The following LRIG2 variants were observed in gnomAD, a reference collection of about 807,000 sequenced individuals.
LRIG2 encodes leucine-rich repeats and immunoglobulin-like domains protein 2.
LRIG2 carries 93 observed loss-of-function variants against 107.8 expected under a neutral mutation model. The ratio of observed to expected loss-of-function variants is 0.86; its 90% CI spans 0.73 to 1.03. The LOEUF (loss-of-function observed/expected upper bound fraction) is 1.03. Ranked by LOEUF, LRIG2 falls within the 50% of genes least tolerant of loss-of-function variation. The probability of loss-of-function intolerance (pLI) is 0.00; values close to 1 mark genes in which losing one functional copy is unlikely to be tolerated. For synonymous variants in LRIG2, 471 were observed against 470.6 expected, an observed-to-expected ratio of 1.00 and a Z score of -0.01; for missense variants, 1,226 against 1,296.0, an observed-to-expected ratio of 0.95 and a Z score of 0.83.
chr1:113,110,298 G>C lies in LRIG2; in HGVS notation c.1534G>C (p.Gly512Arg), dbSNP rs1197646627. The part of the protein sequence containing the change: ...THPETIIALR[G>R]MNVTLTCTAV... Reference sequence around the variant, plus strand: ...TCCTGAAACCATAATTGCTCTAAGAGGCATGAATGTGACTCTGACGTGCAC... The same window carrying C: ...TCCTGAAACCATAATTGCTCTAAGACGCATGAATGTGACTCTGACGTGCAC... Residue 512 changes from glycine (G) to arginine (R), a missense_variant, in exon 13 of 18, where the codon GGC (glycine) becomes CGC (arginine). Gly to Arg is a moderately radical substitution (Grantham distance 125). This residue lies in a region of LRIG2 where 642 missense variants were observed against 712.2 expected (regional missense o/e 0.90). Coordinates refer to ENST00000361127, the MANE Select transcript of LRIG2 (RefSeq NM_014813.3). 6.2e-7 allele frequency: 1 copy of C among 1,613,972 alleles called. No individual in the cohort carries two copies. The highest frequency in any genetic ancestry group is 8.5e-7 in the Non-Finnish European group (1 of 1,180,010).
intron 9 of LRIG2, 58 bp from the exon 10 acceptor site, chr1:113,100,153 A>T: frequency 1.9e-6 from 2 of 1,031,340 alleles, no homozygotes; most frequent in Non-Finnish European, 1.4e-6. Context: ...GTAAATGTTT[A>T]ATGAATTTAA....
rs922653767 is a variant in LRIG2 at position 113,076,877 on chromosome 1, G to A, written c.239+3232G>A. Among the ~76,000 whole-genome samples, 4 of 152,018 alleles carry A rather than the reference G, an allele frequency of 2.6e-5. No individual in the cohort carries two copies. The East Asian group carries it at 5.8e-4, about 22-fold the overall frequency. ...TGACTGGGTTCTCTGTGGGTATAGA[G>A]CTCTGTTTCACATTATTCTGATTAC... On this transcript the variant is annotated intron_variant, in intron 1 of 17. Coordinates refer to ENST00000361127, the MANE Select transcript of LRIG2 (RefSeq NM_014813.3).
chr1:113,112,689 T>G lies in LRIG2; in HGVS notation c.2009T>G (p.Met670Arg). 1 of 1,613,932 alleles carries G rather than the reference T, an allele frequency of 6.2e-7. No individual in the cohort carries two copies. Among genetic ancestry groups the G allele is most frequent in the Non-Finnish European group, 8.5e-7 (1 of 1,179,876 alleles). Reference sequence around the variant, plus strand: ...ATTGCCAATGTGAAAATAGAAGATATGGGAATCTATAGCTGCATGGCACAA... The same window carrying G: ...ATTGCCAATGTGAAAATAGAAGATAGGGGAATCTATAGCTGCATGGCACAA... Reference protein sequence around the residue: ...FFIANVKIEDMGIYSCMAQNT... With the variant: ...FFIANVKIEDRGIYSCMAQNT... The change falls in exon 14 of 18, where the codon ATG (methionine) becomes AGG (arginine). Residue 670 changes from methionine (M) to arginine (R), a missense_variant. Coordinates refer to ENST00000361127, the MANE Select transcript of LRIG2 (RefSeq NM_014813.3).
chr1:113,095,947 T>C lies in LRIG2; in HGVS notation c.877T>C (p.Tyr293His). 6.2e-7 allele frequency: 1 copy of C among 1,614,224 alleles called. No homozygotes were observed. The highest frequency in any genetic ancestry group is 8.5e-7 in the Non-Finnish European group (1 of 1,180,044). ...LYGLRMLQQL[Y>H]VSQNAIERIS... ...TGGCTTGCGAATGTTACAGCAGCTC[T>C]ATGTGAGCCAGAATGCTATTGAAAG... The change falls in exon 7 of 18, where the codon TAT (tyrosine) becomes CAT (histidine). Residue 293 changes from tyrosine (Y) to histidine (H), a missense_variant. Coordinates refer to ENST00000361127, the MANE Select transcript of LRIG2 (RefSeq NM_014813.3).
intron 17 of LRIG2, among the ~76,000 whole-genome samples, chr1:113,122,628 T>C (rs982535982): frequency 1.3e-5 from 2 of 152,226 alleles, no homozygotes; most frequent in Non-Finnish European, 2.9e-5. Context: ...ATCTGGTCCG[T>C]AAGTAAGGAA....
At position 113,091,639 on chromosome 1, in the gene LRIG2, C is replaced by T. The variant is rs192035906; in HGVS notation, c.305+256C>T. ...TTCCTGGGGCTAAAAGTAAGATTTA[C>T]GCCTCTTCAGAGTAAATGTGTTTTG... On this transcript the variant is annotated intron_variant, in intron 2 of 17. Transcript: ENST00000361127. Among the ~76,000 whole-genome samples the T allele has an allele frequency of 9.4e-4, 143 of 152,282 alleles. 1 individual carries two copies. Among genetic ancestry groups the T allele is most frequent in the Admixed American group, 8.2e-3 (126 of 15,288 alleles).
chr1:113,081,627 TCTC>T (rs1438943986), intron 1 of LRIG2, among the ~76,000 whole-genome samples: 5 of 151,784 alleles, frequency 3.3e-5, no homozygotes, highest in Non-Finnish European at 5.9e-5. Context: ...TTCAAGCAAT[TCTC>T]CTGCCTCAGC....
At chr1:113,123,487 T>C (rs115503810) in intron 17 of LRIG2, among the ~76,000 whole-genome samples, 9 of 152,300 alleles carry the variant, frequency 5.9e-5, no homozygotes, top group African/African-American at 9.6e-5. Flanking sequence ...CGCAGTAGAA[T>C]TGTGTGAACC....
chr1:113,097,668 GA>G (rs956016517), intron 8 of LRIG2, among the ~76,000 whole-genome samples: 8 of 152,174 alleles, frequency 5.3e-5, no homozygotes, highest in Non-Finnish European at 1.2e-4. Context: ...AAAGTTTTGG[GA>G]AGTAATAGCA....
At chr1:113,113,782 C>T (rs1030521810) in intron 14 of LRIG2, among the ~76,000 whole-genome samples, 1 of 151,724 alleles carries the variant, frequency 6.6e-6, no homozygotes, top group Non-Finnish European at 1.5e-5. Flanking sequence ...AGGCTGGTCT[C>T]GAACTCCTGA....
chr1:113,113,527 C>CATTTATTTATTT (rs71590539), intron 14 of LRIG2, among the ~76,000 whole-genome samples: 12 of 138,452 alleles, frequency 8.7e-5, no homozygotes, highest in African/African-American at 3.0e-4. Flanking sequence ...AATAAGAAGT[C>CATTTATTTATTT]ATTTATTTAT....
chr1:113,088,416 T>C (rs1653650823), intron 1 of LRIG2, among the ~76,000 whole-genome samples: 2 of 152,208 alleles, frequency 1.3e-5, no homozygotes, highest in African/African-American at 4.8e-5. Context: ...TTGAGTTTCA[T>C]TTTATTGCTT....
chr1:113,077,508 T>TTA (rs369005370), intron 1 of LRIG2, among the ~76,000 whole-genome samples: 470 of 152,326 alleles, frequency 3.1e-3, no homozygotes, highest in Non-Finnish European at 4.6e-3. Flanking sequence ...ATTTATTGAA[T>TTA]TATATATATA....
Position 113,110,302 on chromosome 1 carries a change from T to C in LRIG2, c.1538T>C (p.Met513Thr), listed in dbSNP as rs745864381. The C allele has an allele frequency of 1.4e-5, 23 of 1,614,094 alleles. No individual in the cohort carries two copies. The highest frequency in any genetic ancestry group is 5.0e-5 in the Admixed American group (3 of 60,022). ...HPETIIALRG[M>T]NVTLTCTAVS... is the part of the protein sequence containing the mutation. ...GAAACCATAATTGCTCTAAGAGGCA[T>C]GAATGTGACTCTGACGTGCACTGCA... The change falls in exon 13 of 18, where the codon ATG becomes ACG. Residue 513 changes from methionine (M) to threonine (T), a missense_variant. Met to Thr is a moderately conservative substitution (Grantham distance 81). Coordinates refer to ENST00000361127, the MANE Select transcript of LRIG2 (RefSeq NM_014813.3).
At chr1:113,073,837 G>A (rs942830429) in intron 1 of LRIG2, among the ~76,000 whole-genome samples, 192 bp downstream of exon 1, 2 of 152,100 alleles carry the variant, frequency 1.3e-5, no homozygotes, top group African/African-American at 4.8e-5. Flanking sequence ...TAAGGTTTCT[G>A]GAGAATTGTA....
At position 113,131,881 on chromosome 1, in the gene LRIG2, C is replaced by G. The variant is rs1655713934; in HGVS notation, c.*7780C>G. 6.6e-6 allele frequency: 1 copy of G among 151,210 alleles called. No individual in the cohort carries two copies. The highest frequency in any genetic ancestry group is 1.5e-5 in the Non-Finnish European group (1 of 67,968). 9.4% of individuals were successfully genotyped at this position (151,210 alleles called of 1,614,324 possible). ...GGGTGAAGGTGAAGAAACAGCTTGA[C>G]TTGTGCCTGTTTTCAGATAAAGGAG... On this transcript the variant is annotated 3_prime_UTR_variant, in exon 18 of 18. Transcript: ENST00000361127.
chr1:113,120,960 A>C (rs1307708497), intron 17 of LRIG2, among the ~76,000 whole-genome samples: 2 of 151,970 alleles, frequency 1.3e-5, no homozygotes, highest in Non-Finnish European at 2.9e-5. Context: ...CTGGGATTAC[A>C]GGCATGTGCA....
At position 113,073,418 on chromosome 1, in the gene LRIG2, G is replaced by A. The variant is rs1168971991; in HGVS notation, c.12G>A (p.Ala4=). ...GGTCGAGGGGGAAAATGGCGCCGGC[G>A]CCCCTAGGCGTCCCGGAGGAGCAGT... MAP[A]PLGVPEEQLL... The change falls in exon 1 of 18, where the codon GCG becomes GCA. Residue 4 remains alanine, a synonymous_variant. Coordinates refer to ENST00000361127, the MANE Select transcript of LRIG2 (RefSeq NM_014813.3). 1.2e-6 allele frequency: 2 copies of A among 1,613,432 alleles called. No individual in the cohort carries two copies. Among genetic ancestry groups the A allele is most frequent in the Non-Finnish European group, 1.7e-6 (2 of 1,179,588 alleles).
At chr1:113,108,225 CTT>C (rs58719865) in intron 12 of LRIG2, among the ~76,000 whole-genome samples, 1 of 139,820 alleles carries the variant, frequency 7.2e-6, no homozygotes. Context: ...TTCAAATATA[CTT>C]TTTTTTTTTT....
Sources: gnomAD v4.1 joint callset for allele counts (sites outside exome capture counted in the v4.1 genomes callset) on GRCh38, gnomAD v4.1.1 for gene constraint, gnomAD v4.1.1 regional missense constraint, MANE v1.5 for transcripts, NCBI Gene and HGNC (gene_info 2026-07-23, HGNC 2026-07-21) for gene names.